Variants in CACNA2D3 observed in about 807,000 individuals in gnomAD.
CACNA2D3 encodes calcium voltage-gated channel auxiliary subunit alpha2delta 3, also known as voltage-dependent calcium channel subunit alpha-2/delta-3.
A neutral mutation model predicts 160.6 loss-of-function variants in CACNA2D3; 60 were observed. The ratio of observed to expected loss-of-function variants is 0.37; its 90% confidence interval spans 0.30 to 0.46. The LOEUF (loss-of-function observed/expected upper bound fraction) is 0.46. Among genes scored for constraint, CACNA2D3 ranks in the 20% least tolerant of loss-of-function variants. The pLI, the probability that CACNA2D3 is intolerant of heterozygous loss-of-function variation, is 1.00. For missense variants in CACNA2D3, 1,205 were observed against 1,365.0 expected, an observed-to-expected ratio of 0.88 and a Z score of 1.85; for synonymous variants, 558 against 492.9, an observed-to-expected ratio of 1.13 and a Z score of -1.75.
chr3:54,822,495 T>G lies in CACNA2D3; in HGVS notation c.1398+5625T>G, dbSNP rs191496619. On this transcript the variant is annotated intron_variant, in intron 14 of 37. Coordinates refer to ENST00000474759, the MANE Select transcript of CACNA2D3 (RefSeq NM_018398.3). Reference sequence around the variant, plus strand: ...CTGCTGCTGAGGAAGGAGGTGAACTTTGCAAGTGTACCCATGTGAGTCTTG... The same window carrying G: ...CTGCTGCTGAGGAAGGAGGTGAACTGTGCAAGTGTACCCATGTGAGTCTTG... Among the ~76,000 whole-genome samples, 46 of 152,298 alleles carry G rather than the reference T, an allele frequency of 3.0e-4. No homozygotes were observed. In the East Asian group the frequency reaches 8.7e-3, roughly 29 times the overall value.
intron 11 of CACNA2D3, among the ~76,000 whole-genome samples, chr3:54,694,884 G>T (rs907474636): frequency 2.6e-5 from 4 of 152,176 alleles, no homozygotes; most frequent in Non-Finnish European, 4.4e-5. Context: ...CATAGGGAAT[G>T]CATAGTTAAA....
chr3:54,144,411 T>C (rs539441110), intron 2 of CACNA2D3, among the ~76,000 whole-genome samples: 1 of 152,362 alleles, frequency 6.6e-6, no homozygotes, highest in Admixed American at 6.5e-5. Flanking sequence ...GGGGATTCAC[T>C]GTGCCAAGGG....
At chr3:54,439,333 T>G (rs1868501) in intron 4 of CACNA2D3, among the ~76,000 whole-genome samples, 149 of 147,968 alleles carry the variant, frequency 1.0e-3, no homozygotes, top group African/African-American at 3.1e-3. Flanking sequence ...GTGTGTGTGT[T>G]TGTGTGTGAA....
intron 2 of CACNA2D3, among the ~76,000 whole-genome samples, chr3:54,151,609 C>T (rs962328207): frequency 6.6e-6 from 1 of 152,128 alleles, no homozygotes; most frequent in Non-Finnish European, 1.5e-5. Context: ...CACCAGGATG[C>T]ATGGGGGCAG....
chr3:54,214,211 A>C (rs970466338), intron 2 of CACNA2D3, among the ~76,000 whole-genome samples: 5 of 152,228 alleles, frequency 3.3e-5, no homozygotes, highest in African/African-American at 9.7e-5. Context: ...CACACACACA[A>C]AAAAGAAAAG....
At chr3:54,868,880 G>C (rs1410585147) in intron 17 of CACNA2D3, among the ~76,000 whole-genome samples, 1 of 152,174 alleles carries the variant, frequency 6.6e-6, no homozygotes, top group Non-Finnish European at 1.5e-5. Context: ...CTTGCTAGCT[G>C]AATATTAAAA....
At chr3:54,126,445 A>T (rs1169328016) in intron 2 of CACNA2D3, among the ~76,000 whole-genome samples, 2 of 152,184 alleles carry the variant, frequency 1.3e-5, no homozygotes, top group Non-Finnish European at 2.9e-5. Context: ...GTATTTTATC[A>T]GTTGTTTCTA....
chr3:54,203,056 T>G (rs1701206431), intron 2 of CACNA2D3, among the ~76,000 whole-genome samples: 1 of 152,200 alleles, frequency 6.6e-6, no homozygotes, highest in African/African-American at 2.4e-5. Context: ...ATCAGCTGCA[T>G]GTCAGCCCGA....
At chr3:55,066,195 C>T (rs556731474) in intron 35 of CACNA2D3, among the ~76,000 whole-genome samples, 3 of 152,308 alleles carry the variant, frequency 2.0e-5, no homozygotes, top group South Asian at 2.1e-4. Context: ...GCCACAGTCA[C>T]GTGCTCCATC....
chr3:54,342,593 T>C (rs1698377838), intron 3 of CACNA2D3, among the ~76,000 whole-genome samples: 2 of 152,146 alleles, frequency 1.3e-5, no homozygotes, highest in Non-Finnish European at 1.5e-5. Flanking sequence ...GCTTCAGAGC[T>C]TGGAGTCTTG....
At chr3:54,148,428 C>T (rs1017849080) in intron 2 of CACNA2D3, among the ~76,000 whole-genome samples, 77 of 152,236 alleles carry the variant, frequency 5.1e-4, no homozygotes, top group African/African-American at 1.7e-3. Context: ...CAGAACTAGG[C>T]GCTGGAATGG....
intron 13 of CACNA2D3, among the ~76,000 whole-genome samples, chr3:54,790,147 C>CT (rs1372191147): frequency 2.0e-5 from 3 of 152,182 alleles, no homozygotes; most frequent in Non-Finnish European, 4.4e-5. Context: ...CAAATGCTTG[C>CT]TTTGCCACTT....
At chr3:54,895,409 C>T (rs1289862902) in intron 25 of CACNA2D3, among the ~76,000 whole-genome samples, 2 of 152,154 alleles carry the variant, frequency 1.3e-5, no homozygotes, top group Non-Finnish European at 2.9e-5. Context: ...CCAGAGCTAT[C>T]TAAGAACCTG....
At chr3:54,843,617 G>A (rs1446293418) in intron 16 of CACNA2D3, among the ~76,000 whole-genome samples, 1 of 152,242 alleles carries the variant, frequency 6.6e-6, no homozygotes, top group Non-Finnish European at 1.5e-5. Flanking sequence ...GTTAGTGGCT[G>A]TCACAAAGGA....
At position 55,061,856 on chromosome 3, in the gene CACNA2D3, A is replaced by G. The variant is rs1333900471; in HGVS notation, c.2988-11589A>G. ...CATGCCTGGACAGGACTAGCTCCTC[A>G]GAAGCACCTGGGCTGCCTGAGGGAA... On this transcript the variant is annotated intron_variant, in intron 35 of 37. Coordinates refer to ENST00000474759, the MANE Select transcript of CACNA2D3 (RefSeq NM_018398.3). Among the ~76,000 whole-genome samples the G allele has an allele frequency of 2.0e-5, 3 of 152,332 alleles. No homozygotes were observed. The South Asian group carries it at 6.2e-4, about 32-fold the overall frequency.
chr3:54,316,854 AC>A (rs1236351884), intron 2 of CACNA2D3, among the ~76,000 whole-genome samples: 3 of 152,226 alleles, frequency 2.0e-5, no homozygotes, highest in African/African-American at 7.2e-5. Flanking sequence ...AGAAACACAT[AC>A]AGGTAACAGA....
At chr3:54,960,460 A>G (rs1468245147) in intron 27 of CACNA2D3, among the ~76,000 whole-genome samples, 1 of 152,196 alleles carries the variant, frequency 6.6e-6, no homozygotes, top group East Asian at 1.9e-4. Flanking sequence ...AGGCTAAAAT[A>G]TGAGGTGTTT....
At chr3:54,299,456 G>C (rs2067965) in intron 2 of CACNA2D3, among the ~76,000 whole-genome samples, 12,869 of 152,206 alleles carry the variant, frequency 0.085, 771 homozygotes, top group South Asian at 0.13. Context: ...CACTTTCGGT[G>C]TTTGGCTGAT....
intron 3 of CACNA2D3, among the ~76,000 whole-genome samples, chr3:54,323,803 A>G (rs958589919): frequency 9.2e-5 from 14 of 152,136 alleles, no homozygotes; most frequent in African/African-American, 3.4e-4. Context: ...GGAACAGAAC[A>G]GATTTTAGGT....
Sources: gnomAD v4.1 joint callset for allele counts (sites outside exome capture counted in the v4.1 genomes callset) on GRCh38, gnomAD v4.1.1 for gene constraint, MANE v1.5 for transcripts, NCBI Gene and HGNC (gene_info 2026-07-23, HGNC 2026-07-21) for gene names.